Variants in B3GAT2 observed in about 807,000 individuals in gnomAD.
B3GAT2 encodes galactosylgalactosylxylosylprotein 3-beta-glucuronosyltransferase 2.
A neutral mutation model predicts 27.8 loss-of-function variants in B3GAT2; 26 were observed. The ratio of observed to expected loss-of-function variants is 0.93; its 90% CI spans 0.68 to 1.30. The LOEUF is 1.30. Among genes scored for constraint, B3GAT2 ranks in the 50% most tolerant of loss-of-function variants. B3GAT2 has a pLI of 0.00. For synonymous variants in B3GAT2, 218 were observed against 195.1 expected (o/e 1.12, Z -0.98); for missense variants, 458 against 459.0 (o/e 1.00, Z 0.02).
chr6:70,927,037 A>C (rs900601627), intron 1 of B3GAT2, among the ~76,000 whole-genome samples: 1 of 152,214 alleles, frequency 6.6e-6, no homozygotes, highest in African/African-American at 2.4e-5. Context: ...TGCTTAAAGA[A>C]AAGAATTTTT....
At chr6:70,921,078 G>A (rs769391146) in intron 1 of B3GAT2, among the ~76,000 whole-genome samples, 2 of 152,042 alleles carry the variant, frequency 1.3e-5, no homozygotes, top group Non-Finnish European at 2.9e-5. Flanking sequence ...TGTTGACGTT[G>A]GAGAATCTGA....
At position 70,894,157 on chromosome 6, in the gene B3GAT2, G is replaced by T. The variant is rs779250933; in HGVS notation, c.707C>A (p.Ala236Glu). 4 of 1,613,194 alleles carry T rather than the reference G, an allele frequency of 2.5e-6. No homozygotes were observed. In the East Asian group the frequency reaches 6.7e-5, roughly 27 times the overall value. ...KVVGWYTGWR[A>E]DRPFAIDMAG... ...CATGTCGATGGCAAAAGGCCTGTCT[G>T]CTCTCCAGCCGGTGTACCAGCCAAC... Residue 236 changes from alanine to glutamate, a missense_variant, in exon 2 of 4, where the codon GCA becomes GAA. Transcript: ENST00000230053.
chr6:70,890,118 C>T (rs148898085), intron 2 of B3GAT2, among the ~76,000 whole-genome samples: 385 of 152,218 alleles, frequency 2.5e-3, no homozygotes, highest in Non-Finnish European at 4.2e-3. Flanking sequence ...CTGCTTCCAG[C>T]GGTCTTTCTC....
At chr6:70,938,432 G>A (rs576565607) in intron 1 of B3GAT2, among the ~76,000 whole-genome samples, 72 of 150,206 alleles carry the variant, frequency 4.8e-4, no homozygotes, top group South Asian at 8.3e-4. Context: ...CCATAAAAGA[G>A]CCCACATCGT....
chr6:70,886,003 G>C (rs1772178240), intron 2 of B3GAT2, among the ~76,000 whole-genome samples: 1 of 152,150 alleles, frequency 6.6e-6, no homozygotes, highest in African/African-American at 2.4e-5. Flanking sequence ...GAACCCAAAG[G>C]CACAGTCTTG....
intron 1 of B3GAT2, among the ~76,000 whole-genome samples, chr6:70,936,547 A>G (rs1364497835): frequency 1.3e-5 from 2 of 152,144 alleles, no homozygotes; most frequent in Admixed American, 1.3e-4. Flanking sequence ...AATTATAACA[A>G]ACTGTCTCTC....
rs558866071 is a variant in B3GAT2 at position 70,864,335 on chromosome 6, G to T, written c.737-2357C>A. ...TCTTTTGTTGCTTTCCTTAGCACAG[G>T]AATATCCTTCCAGCGCTTCACACAG... is the stretch of plus-strand genomic sequence containing the variant. On this transcript the variant is annotated intron_variant, in intron 2 of 3. Coordinates refer to ENST00000230053, the MANE Select transcript of B3GAT2 (RefSeq NM_080742.3). Among the ~76,000 whole-genome samples the T allele has an allele frequency of 2.0e-5, 3 of 152,218 alleles. No individual in the cohort carries two copies. In the South Asian group the frequency reaches 6.2e-4, roughly 32 times the overall value.
Position 70,902,894 on chromosome 6 carries a change from G to A in B3GAT2, c.592-8622C>T, listed in dbSNP as rs1772530328. Among the ~76,000 whole-genome samples the A allele has an allele frequency of 2.6e-5, 4 of 152,028 alleles. No homozygotes were observed. The South Asian group carries it at 8.3e-4, about 32-fold the overall frequency. Reference sequence around the variant, plus strand: ...TGGTATCAGAGGTTGGACAGGGAGTGAGGGGTGGCAGGGGGGCTGGTGGTC... The same window carrying A: ...TGGTATCAGAGGTTGGACAGGGAGTAAGGGGTGGCAGGGGGGCTGGTGGTC... On this transcript the variant is annotated intron_variant, in intron 1 of 3. Transcript: ENST00000230053.
intron 1 of B3GAT2, among the ~76,000 whole-genome samples, chr6:70,898,703 C>G (rs1483418012): frequency 1.3e-5 from 2 of 152,156 alleles, no homozygotes; most frequent in Non-Finnish European, 2.9e-5. Context: ...CATCTGACAC[C>G]TCTGTGCTCC....
intron 1 of B3GAT2, among the ~76,000 whole-genome samples, chr6:70,925,461 T>C (rs1169800542): frequency 6.6e-6 from 1 of 152,174 alleles, no homozygotes; most frequent in Non-Finnish European, 1.5e-5. Flanking sequence ...ACTGCGCTTT[T>C]CCAATGGTCT....
chr6:70,912,804 G>A (rs1772709203), intron 1 of B3GAT2, among the ~76,000 whole-genome samples: 1 of 152,074 alleles, frequency 6.6e-6, no homozygotes, highest in Non-Finnish European at 1.5e-5. Flanking sequence ...CTGGTCCAGG[G>A]CTTTTTTGGT....
chr6:70,888,754 T>C (rs1034688400), intron 2 of B3GAT2, among the ~76,000 whole-genome samples: 1 of 152,092 alleles, frequency 6.6e-6, no homozygotes, highest in African/African-American at 2.4e-5. Flanking sequence ...CAGCTTGCCC[T>C]TCCCAAGAGC....
chr6:70,897,132 T>C (rs1253987201), intron 1 of B3GAT2, among the ~76,000 whole-genome samples: 5 of 152,190 alleles, frequency 3.3e-5, no homozygotes, highest in African/African-American at 1.2e-4. Context: ...GGTATCCCAT[T>C]ATAGTTTTAA....
intron 2 of B3GAT2, among the ~76,000 whole-genome samples, chr6:70,892,656 C>G (rs1192336156): frequency 1.3e-5 from 2 of 152,198 alleles, no homozygotes; most frequent in Non-Finnish European, 2.9e-5. Context: ...TGGTGGTCAT[C>G]TCCGGCAGCT....
At chr6:70,929,955 A>G (rs1186152286) in intron 1 of B3GAT2, among the ~76,000 whole-genome samples, 1 of 152,248 alleles carries the variant, frequency 6.6e-6, no homozygotes, top group Non-Finnish European at 1.5e-5. Context: ...TTATAAGGCT[A>G]CAGTAACCAA....
intron 2 of B3GAT2, among the ~76,000 whole-genome samples, chr6:70,892,624 G>A (rs1298289942): frequency 6.6e-6 from 1 of 152,188 alleles, no homozygotes; most frequent in Non-Finnish European, 1.5e-5. Flanking sequence ...GGCCAGGAAA[G>A]GAGGGCTGCA....
At chr6:70,937,988 G>A (rs1765324664) in intron 1 of B3GAT2, among the ~76,000 whole-genome samples, 1 of 151,426 alleles carries the variant, frequency 6.6e-6, no homozygotes, top group Admixed American at 6.6e-5. Flanking sequence ...CGACATGATT[G>A]TATATCTACA....
intron 1 of B3GAT2, among the ~76,000 whole-genome samples, chr6:70,934,233 A>G (rs374658330): frequency 1.3e-5 from 2 of 152,220 alleles, no homozygotes; most frequent in South Asian, 2.1e-4. Flanking sequence ...GTGAATGCAG[A>G]TAACTTTAAG....
intron 1 of B3GAT2, among the ~76,000 whole-genome samples, chr6:70,934,805 A>G (rs1562233610): frequency 6.6e-6 from 1 of 152,194 alleles, no homozygotes; most frequent in Admixed American, 6.5e-5. Flanking sequence ...AATCTGTAAT[A>G]TTTGTCAATA....
Sources: gnomAD v4.1 joint callset for allele counts (sites outside exome capture counted in the v4.1 genomes callset) on GRCh38, gnomAD v4.1.1 for gene constraint, MANE v1.5 for transcripts, NCBI Gene and HGNC (gene_info 2026-07-23, HGNC 2026-07-21) for gene names.